CHST11: variants seen among roughly 807,000 people sequenced by gnomAD.
CHST11 encodes carbohydrate sulfotransferase 11, also known as C4S-1.
In CHST11, 9 loss-of-function variants were observed where a neutral mutation model predicts 30.4. The ratio of observed to expected loss-of-function variants is 0.30; its 90% CI spans 0.18 to 0.52. CHST11 has a LOEUF of 0.52. CHST11 is among the 20% of genes least tolerant of loss of function. CHST11 has a pLI of 0.97. For synonymous variants in CHST11, 152 were observed against 187.8 expected (o/e 0.81, Z 1.56); for missense variants, 348 against 460.6 (o/e 0.76, Z 2.24).
intron 2 of CHST11, among the ~76,000 whole-genome samples, chr12:104,645,235 C>T (rs1289331631): frequency 6.6e-6 from 1 of 152,202 alleles, no homozygotes; most frequent in Non-Finnish European, 1.5e-5. Context: ...GCGTGAGCCA[C>T]CACGCCCGGC....
At chr12:104,591,764 G>T (rs1046655088) in intron 1 of CHST11, 7 of 153,822 alleles carry the variant, frequency 4.6e-5, no homozygotes, top group Non-Finnish European at 8.8e-5. Flanking sequence ...TGACCCACGG[G>T]TGTGTTGTAA....
intron 2 of CHST11, among the ~76,000 whole-genome samples, chr12:104,739,939 C>T (rs569832163): frequency 3.9e-5 from 6 of 152,176 alleles, no homozygotes; most frequent in East Asian, 3.8e-4. Flanking sequence ...TGCTCATCTC[C>T]GCAGAGTTCC....
chr12:104,751,228 T>G (rs1401612598), intron 2 of CHST11, among the ~76,000 whole-genome samples: 1 of 152,240 alleles, frequency 6.6e-6, no homozygotes, highest in African/African-American at 2.4e-5. Flanking sequence ...CAGAAAATTG[T>G]CTCCAGCTCA....
intron 2 of CHST11, among the ~76,000 whole-genome samples, chr12:104,636,852 A>AT (rs527365933): frequency 0.022 from 3,153 of 146,412 alleles, 47 homozygotes; most frequent in Middle Eastern, 0.073. Flanking sequence ...TACTACTCCT[A>AT]TTTTTTTTTT....
chr12:104,480,304 G>A (rs966603767), intron 1 of CHST11, among the ~76,000 whole-genome samples: 10 of 152,092 alleles, frequency 6.6e-5, no homozygotes, highest in Admixed American at 6.6e-4. Flanking sequence ...TCAACCAGGT[G>A]CAGTGGCTCC....
chr12:104,476,454 T>C (rs1190425205), intron 1 of CHST11, among the ~76,000 whole-genome samples: 1 of 152,138 alleles, frequency 6.6e-6, no homozygotes, highest in Non-Finnish European at 1.5e-5. Flanking sequence ...CATTTTCTCA[T>C]GTCATTCAGT....
Position 104,579,855 on chromosome 12 carries a change from G to T in CHST11, c.119-22051G>T, listed in dbSNP as rs114242114. 4.1e-3 allele frequency among the ~76,000 whole-genome samples: 618 copies of T among 152,282 alleles called. 7 individuals carry two copies. The highest frequency in any genetic ancestry group is 0.014 in the African/African-American group (572 of 41,566). ...TGGAGATAAAAGCTAAATGTCTAAG[G>T]TCTAGCAGTATCAAGATGACCAGAA... On this transcript the variant is annotated intron_variant, in intron 1 of 2. Transcript: ENST00000303694.
chr12:104,478,526 A>G (rs775512467), intron 1 of CHST11, among the ~76,000 whole-genome samples: 5 of 152,118 alleles, frequency 3.3e-5, no homozygotes, highest in Admixed American at 6.5e-5. Flanking sequence ...ATGGAAGCGG[A>G]TGAGGGGAAG....
At chr12:104,746,933 A>T (rs963337685) in intron 2 of CHST11, among the ~76,000 whole-genome samples, 2 of 152,180 alleles carry the variant, frequency 1.3e-5, no homozygotes, top group African/African-American at 2.4e-5. Flanking sequence ...TACTGAATGA[A>T]AAGTCCCCTA....
intron 2 of CHST11, among the ~76,000 whole-genome samples, chr12:104,638,803 A>G (rs17036007): frequency 0.055 from 8,318 of 152,258 alleles, 323 homozygotes; most frequent in East Asian, 0.12. Flanking sequence ...AACTTCTTTC[A>G]TAGGGTATAA....
At chr12:104,612,881 C>A (rs1371548961) in intron 2 of CHST11, among the ~76,000 whole-genome samples, 1 of 152,174 alleles carries the variant, frequency 6.6e-6, no homozygotes, top group East Asian at 1.9e-4. Context: ...GAAACAGACA[C>A]CAGCACTCTC....
At chr12:104,550,258 A>T (rs1592758296) in intron 1 of CHST11, among the ~76,000 whole-genome samples, 1 of 152,134 alleles carries the variant, frequency 6.6e-6, no homozygotes, top group Non-Finnish European at 1.5e-5. Flanking sequence ...CATTTCCCCC[A>T]TGTGGTCTGA....
chr12:104,748,652 G>A (rs1488037755), intron 2 of CHST11, among the ~76,000 whole-genome samples: 2 of 152,142 alleles, frequency 1.3e-5, no homozygotes, highest in African/African-American at 4.8e-5. Context: ...AGGCCAAAGA[G>A]AGAAGCCTCA....
intron 2 of CHST11, among the ~76,000 whole-genome samples, chr12:104,623,390 C>T (rs766782320): frequency 3.9e-5 from 6 of 152,162 alleles, no homozygotes; most frequent in African/African-American, 9.7e-5. Context: ...GATGTACGGT[C>T]GAGGTCCAGG....
At chr12:104,730,098 C>T (rs1420641115) in intron 2 of CHST11, among the ~76,000 whole-genome samples, 1 of 152,286 alleles carries the variant, frequency 6.6e-6, no homozygotes, top group South Asian at 2.1e-4. Flanking sequence ...CTGGGGCCTC[C>T]GTCTAGGGCC....
At chr12:104,580,558 T>C (rs1487210373) in intron 1 of CHST11, among the ~76,000 whole-genome samples, 1 of 152,170 alleles carries the variant, frequency 6.6e-6, no homozygotes, top group African/African-American at 2.4e-5. Flanking sequence ...TAGAAAAATA[T>C]GTAACTTAAC....
At chr12:104,645,469 T>A (rs906528330) in intron 2 of CHST11, among the ~76,000 whole-genome samples, 1 of 152,018 alleles carries the variant, frequency 6.6e-6, no homozygotes, top group Non-Finnish European at 1.5e-5. Context: ...CAAGAAATAT[T>A]TGTGTTGGAA....
At chr12:104,704,355 G>A (rs574906872) in intron 2 of CHST11, among the ~76,000 whole-genome samples, 5 of 152,298 alleles carry the variant, frequency 3.3e-5, no homozygotes, top group Admixed American at 1.3e-4. Context: ...TAATTGGGGC[G>A]GGGGAGGCTG....
intron 1 of CHST11, among the ~76,000 whole-genome samples, chr12:104,572,597 TTC>T (rs1358604671): frequency 1.3e-5 from 2 of 152,208 alleles, no homozygotes; most frequent in East Asian, 3.8e-4. Context: ...TATTTGATTC[TTC>T]TCTCTTTTCT....
Sources: allele counts gnomAD v4.1 joint callset (sites outside exome capture counted in the v4.1 genomes callset), GRCh38; gene constraint gnomAD v4.1.1; transcripts MANE v1.5; gene names NCBI Gene and HGNC (gene_info 2026-07-23, HGNC 2026-07-21).